Variants in NBAS observed in about 807,000 individuals in gnomAD.
NBAS encodes the protein NAG/BC035112 fusion.
In NBAS, 219 loss-of-function variants were observed where a neutral mutation model predicts 302.5. The observed-to-expected ratio is 0.72, with a 90% confidence interval of 0.65 to 0.81. The LOEUF (loss-of-function observed/expected upper bound fraction) is 0.81. NBAS is among the 30% of genes least tolerant of loss of function. The probability of loss-of-function intolerance (pLI) is 0.00; values close to 1 mark genes in which losing one functional copy is unlikely to be tolerated. For missense variants in NBAS, 2,932 were observed against 2,841.6 expected, an observed-to-expected ratio of 1.03 and a Z score of -0.72; for synonymous variants, 1,118 against 1,021.6, an observed-to-expected ratio of 1.09 and a Z score of -1.80.
the NBAS span, among the ~76,000 whole-genome samples, chr2:14,811,913 A>G: frequency 6.6e-6 from 1 of 152,226 alleles, no homozygotes; most frequent in Admixed American, 6.5e-5. Flanking sequence ...GTGACTGAAG[A>G]AACGATTATC....
At chr2:15,448,564 C>T (rs977779019) in intron 21 of NBAS, among the ~76,000 whole-genome samples, 2 of 152,210 alleles carry the variant, frequency 1.3e-5, no homozygotes, top group African/African-American at 2.4e-5. Flanking sequence ...TACCTCTCCA[C>T]ATTAAGTATG....
intron 25 of NBAS, among the ~76,000 whole-genome samples, chr2:15,410,032 GC>G (rs1275307070): frequency 1.3e-5 from 2 of 152,030 alleles, no homozygotes; most frequent in Non-Finnish European, 2.9e-5. Context: ...GAAACTCCCT[GC>G]CCCCACATTC....
At chr2:14,936,077 G>A in the NBAS span, among the ~76,000 whole-genome samples, 16,294 of 152,194 alleles carry the variant, frequency 0.11, 949 homozygotes, top group East Asian at 0.15. Context: ...ACCATTTCCA[G>A]GTTGTTTCTA....
chr2:15,521,466 C>G (rs1662667747), intron 9 of NBAS, among the ~76,000 whole-genome samples: 1 of 152,124 alleles, frequency 6.6e-6, no homozygotes, highest in African/African-American at 2.4e-5. Flanking sequence ...TATTGAGCAC[C>G]AATTATGTGC....
chr2:15,047,633 C>A, the NBAS span, among the ~76,000 whole-genome samples: 1 of 152,042 alleles, frequency 6.6e-6, no homozygotes, highest in Admixed American at 6.5e-5. Context: ...TGGGCCCATG[C>A]AGGTAAAGGC....
the NBAS span, among the ~76,000 whole-genome samples, chr2:15,130,594 A>G: frequency 1.3e-5 from 2 of 152,260 alleles, no homozygotes; most frequent in African/African-American, 2.4e-5. Context: ...GTTAGAAAGG[A>G]GAGTGACTTG....
chr2:15,531,783 C>A (rs1663227513), intron 9 of NBAS, among the ~76,000 whole-genome samples: 1 of 152,168 alleles, frequency 6.6e-6, no homozygotes, highest in Non-Finnish European at 1.5e-5. Flanking sequence ...CCCCCAGATA[C>A]CTAAAAACTA....
intron 25 of NBAS, among the ~76,000 whole-genome samples, chr2:15,411,636 A>C (rs918881866): frequency 6.6e-6 from 1 of 152,230 alleles, no homozygotes; most frequent in African/African-American, 2.4e-5. Flanking sequence ...GAAGTGAAGA[A>C]AAAAGATGGC....
chr2:14,804,659 G>A, the NBAS span, among the ~76,000 whole-genome samples: 1 of 152,164 alleles, frequency 6.6e-6, no homozygotes, highest in Admixed American at 6.5e-5. Context: ...AAGGAATAAT[G>A]AGTGAAAATC....
intron 9 of NBAS, among the ~76,000 whole-genome samples, chr2:15,512,650 C>T (rs1662202277): frequency 6.6e-6 from 1 of 152,130 alleles, no homozygotes; most frequent in Non-Finnish European, 1.5e-5. Context: ...ATGTGACACT[C>T]ACCTGGCCAC....
chr2:15,034,276 G>GAAAGAA, the NBAS span, among the ~76,000 whole-genome samples: 1 of 81,892 alleles, frequency 1.2e-5, no homozygotes, highest in Non-Finnish European at 2.4e-5. Context: ...AAGAAAGAAA[G>GAAAGAA]AGAGAAAGAA....
At chr2:15,324,943 G>A (rs1300366085) in intron 38 of NBAS, among the ~76,000 whole-genome samples, 1 of 152,054 alleles carries the variant, frequency 6.6e-6, no homozygotes, top group Non-Finnish European at 1.5e-5. Flanking sequence ...AAAACAGGAG[G>A]CCGACTAACC....
At chr2:15,014,097 A>C in the NBAS span, among the ~76,000 whole-genome samples, 1 of 152,176 alleles carries the variant, frequency 6.6e-6, no homozygotes, top group Non-Finnish European at 1.5e-5. Flanking sequence ...CAGTGAGAGA[A>C]TATAATAATT....
At chr2:15,194,274 G>C (rs573595159) in intron 48 of NBAS, among the ~76,000 whole-genome samples, 1 of 152,192 alleles carries the variant, frequency 6.6e-6, no homozygotes, top group East Asian at 1.9e-4. Flanking sequence ...TTTGAAACTT[G>C]AAAAGTAGGT....
chr2:14,929,058 T>C, the NBAS span, among the ~76,000 whole-genome samples: 2 of 152,116 alleles, frequency 1.3e-5, no homozygotes, highest in African/African-American at 4.8e-5. Flanking sequence ...CAAAATTGAC[T>C]ATAGTATTGT....
chr2:15,178,878 T>C (rs1186448956), intron 51 of NBAS, 110 bp downstream of exon 51: 7 of 1,455,118 alleles, frequency 4.8e-6, no homozygotes, highest in Middle Eastern at 1.9e-4. Flanking sequence ...ACTATAGATA[T>C]AGTAGTCTTC....
At chr2:15,546,456 T>A (rs1232385780) in intron 6 of NBAS, among the ~76,000 whole-genome samples, 8 of 152,096 alleles carry the variant, frequency 5.3e-5, no homozygotes. Flanking sequence ...CAGTCGGGCA[T>A]GGTGGCTCAC....
chr2:15,028,805 C>A, the NBAS span, among the ~76,000 whole-genome samples: 6 of 152,224 alleles, frequency 3.9e-5, no homozygotes, highest in African/African-American at 1.4e-4. Context: ...AAAGAAGGTC[C>A]TAGACTCTAT....
At chr2:14,863,231 G>A in the NBAS span, among the ~76,000 whole-genome samples, 1 of 152,202 alleles carries the variant, frequency 6.6e-6, no homozygotes, top group Admixed American at 6.5e-5. Context: ...TGTCATGCAT[G>A]TCCATATAGA....
Sources: gnomAD v4.1 joint callset for allele counts (sites outside exome capture counted in the v4.1 genomes callset) on GRCh38, gnomAD v4.1.1 for gene constraint, MANE v1.5 for transcripts, NCBI Gene and HGNC (gene_info 2026-07-23, HGNC 2026-07-21) for gene names.